Variants in ARFIP1 observed in about 807,000 individuals in gnomAD.
The protein encoded by ARFIP1 is ARF interacting protein 1, also known as arfaptin-1.
ARFIP1 carries 24 observed loss-of-function variants against 42.5 expected under a neutral mutation model. The observed-to-expected ratio is 0.57, with a 90% CI of 0.41 to 0.80. The LOEUF is 0.80. Among genes scored for constraint, ARFIP1 ranks in the 30% least tolerant of loss-of-function variants. The probability of loss-of-function intolerance (pLI) is 0.00; values close to 1 mark genes in which losing one functional copy is unlikely to be tolerated. For synonymous variants in ARFIP1, 141 were observed against 153.7 expected, an observed-to-expected ratio of 0.92 and a Z score of 0.61; for missense variants, 354 against 434.0, an observed-to-expected ratio of 0.82 and a Z score of 1.64.
At chr4:152,800,092 T>G (rs546502218) in intron 1 of ARFIP1, among the ~76,000 whole-genome samples, 44 of 152,280 alleles carry the variant, frequency 2.9e-4, no homozygotes, top group African/African-American at 9.6e-4. Flanking sequence ...AAAGAACAGG[T>G]ACGTGAGTAT....
chr4:152,810,608 A>C (rs1263686926), intron 1 of ARFIP1, among the ~76,000 whole-genome samples: 1 of 151,776 alleles, frequency 6.6e-6, no homozygotes, highest in Admixed American at 6.6e-5. Flanking sequence ...GGAGATCGAG[A>C]CCATCCTGGC....
At position 152,880,860 on chromosome 4, in the gene ARFIP1, C is replaced by T. The variant is rs896409428; in HGVS notation, c.412-103C>T. On this transcript the variant is annotated intron_variant, in intron 5 of 8. Coordinates refer to ENST00000353617, the MANE Select transcript of ARFIP1 (RefSeq NM_001025595.3). Reference sequence around the variant, plus strand: ...GGAGCTGACAATTTTCAGTTTGTTACGCTAGCTTGTTTGAATCCAAAAAAT... The same window carrying T: ...GGAGCTGACAATTTTCAGTTTGTTATGCTAGCTTGTTTGAATCCAAAAAAT... The T allele has an allele frequency of 4.6e-6, 4 of 863,242 alleles. No homozygotes were observed. In the African/African-American group the frequency reaches 5.1e-5, roughly 11 times the overall value. 53.5% of individuals were successfully genotyped at this position (863,242 alleles called of 1,614,324 possible). A position where few individuals can be genotyped will look rare whatever the true frequency, so the allele number is the denominator to read the frequency against.
At chr4:152,858,837 G>T (rs76280268) in intron 2 of ARFIP1, among the ~76,000 whole-genome samples, 2,414 of 152,226 alleles carry the variant, frequency 0.016, 61 homozygotes, top group African/African-American at 0.055. Flanking sequence ...AAGGTAAGGG[G>T]AATAGGGATT....
At chr4:152,846,836 T>G (rs1460320902) in intron 2 of ARFIP1, among the ~76,000 whole-genome samples, 2 of 152,148 alleles carry the variant, frequency 1.3e-5, no homozygotes, top group Non-Finnish European at 2.9e-5. Flanking sequence ...TTTAGTCTGT[T>G]ACATAAAATA....
At position 152,843,426 on chromosome 4, in the gene ARFIP1, C is replaced by T. The variant is rs1312275787; in HGVS notation, c.93+13700C>T. On this transcript the variant is annotated intron_variant, in intron 2 of 8. Coordinates refer to ENST00000353617, the MANE Select transcript of ARFIP1 (RefSeq NM_001025595.3). ...CCAGGAGATGGTGCTTTCCAGAAAG[C>T]ATCAGCTGTAGTAATGTGGAGAGGG... 3.3e-5 allele frequency among the ~76,000 whole-genome samples: 5 copies of T among 149,882 alleles called. No individual in the cohort carries two copies. The East Asian group carries it at 1.0e-3, about 30-fold the overall frequency.
intron 1 of ARFIP1, among the ~76,000 whole-genome samples, chr4:152,817,676 G>A (rs1281317195): frequency 6.6e-6 from 1 of 151,760 alleles, no homozygotes; most frequent in Non-Finnish European, 1.5e-5. Flanking sequence ...TATAGAATGG[G>A]AGAAAATATT....
intron 1 of ARFIP1, among the ~76,000 whole-genome samples, chr4:152,811,898 GT>G (rs10714473): frequency 0.73 from 110,925 of 152,056 alleles, 41,762 homozygotes; most frequent in East Asian, 0.81. Flanking sequence ...ATAATTAATG[GT>G]TAGTAAATGA....
At chr4:152,841,105 G>A (rs1317102773) in intron 2 of ARFIP1, among the ~76,000 whole-genome samples, 6 of 151,292 alleles carry the variant, frequency 4.0e-5, no homozygotes, top group Admixed American at 1.3e-4. Context: ...GCGTGATCTC[G>A]GCTCACTGCA....
rs912141314 is a variant in ARFIP1 at position 152,912,206 on chromosome 4, G to C, written c.*1987G>C. ...TCTGATAGTGGGCACATGACCAAAA[G>C]AAAAAAGTAAATCAATATATTTAGC... On this transcript the variant is annotated 3_prime_UTR_variant, in exon 9 of 9. Transcript: ENST00000353617. 1 of 151,902 alleles carries C rather than the reference G, an allele frequency of 6.6e-6. No homozygotes were observed. Among genetic ancestry groups the C allele is most frequent in the African/African-American group, 2.4e-5 (1 of 41,352 alleles). The allele number at this position is 151,902 out of a possible 1,614,324, so 9.4% of individuals were successfully genotyped here.
chr4:152,883,685 T>C (rs1736034474), intron 7 of ARFIP1, among the ~76,000 whole-genome samples: 1 of 151,028 alleles, frequency 6.6e-6, no homozygotes, highest in South Asian at 2.1e-4. Context: ...GTGAACAAAA[T>C]ATATATTAAT....
chr4:152,780,793 A>G (rs1387182622), intron 1 of ARFIP1, among the ~76,000 whole-genome samples: 2 of 152,186 alleles, frequency 1.3e-5, no homozygotes, highest in South Asian at 2.1e-4. Flanking sequence ...CTGTTTGCCA[A>G]GTTACTACTG....
At chr4:152,803,785 A>G (rs915559391) in intron 1 of ARFIP1, among the ~76,000 whole-genome samples, 27 of 151,738 alleles carry the variant, frequency 1.8e-4, no homozygotes, top group African/African-American at 6.5e-4. Context: ...CCCTAATGAT[A>G]TAAATGGAGG....
intron 5 of ARFIP1, among the ~76,000 whole-genome samples, chr4:152,874,761 C>T (rs567876413): frequency 6.6e-6 from 1 of 152,244 alleles, no homozygotes; most frequent in South Asian, 2.1e-4. Context: ...ACCACCTGGA[C>T]CCAAGTGATC....
At chr4:152,863,551 T>A (rs1239516924) in intron 2 of ARFIP1, 55 bp from the exon 3 acceptor site, 1 of 981,880 alleles carries the variant, frequency 1.0e-6, no homozygotes, top group Non-Finnish European at 1.6e-6. Context: ...TCTGAACTGT[T>A]ACGTCATGTG....
chr4:152,876,817 G>T (rs113764936), intron 5 of ARFIP1, among the ~76,000 whole-genome samples: 1 of 152,194 alleles, frequency 6.6e-6, no homozygotes, highest in Non-Finnish European at 1.5e-5. Context: ...TGTCCTAGCC[G>T]CTCCAGCCAT....
At chr4:152,877,066 G>A (rs912848449) in intron 5 of ARFIP1, among the ~76,000 whole-genome samples, 8 of 152,152 alleles carry the variant, frequency 5.3e-5, no homozygotes, top group Non-Finnish European at 1.0e-4. Context: ...GAAGGGAATC[G>A]TGCGATCAGA....
chr4:152,872,470 CA>C lies in ARFIP1; in HGVS notation c.322del (p.Ser108ValfsTer6). On this transcript the variant is annotated frameshift_variant, in exon 5 of 9. Coordinates refer to ENST00000353617, the MANE Select transcript of ARFIP1 (RefSeq NM_001025595.3). LOFTEE classifies it high-confidence loss of function. Reference protein sequence around the residue: ...IVPAGGQRTQTKSGPVILADE... With the variant: ...IVPAGGQRTQXKSGPVILADE... ...CTTGCAGGTGGCCAGAGAACACAGA[CA>C]AAAAGTGGACCAGTTATTCTAGCAG... The C allele has an allele frequency of 6.2e-7, 1 of 1,609,364 alleles. No individual in the cohort carries two copies. Among genetic ancestry groups the C allele is most frequent in the Non-Finnish European group, 8.5e-7 (1 of 1,177,792 alleles).
At chr4:152,857,800 T>A (rs991092832) in intron 2 of ARFIP1, among the ~76,000 whole-genome samples, 2 of 152,222 alleles carry the variant, frequency 1.3e-5, no homozygotes, top group African/African-American at 4.8e-5. Flanking sequence ...ATTTACTTGT[T>A]TATTACTTAA....
At chr4:152,909,416 C>G (rs1238226067) in intron 8 of ARFIP1, among the ~76,000 whole-genome samples, 1 of 152,036 alleles carries the variant, frequency 6.6e-6, no homozygotes, top group Non-Finnish European at 1.5e-5. Flanking sequence ...GAAAAACAAC[C>G]TCAGGAAACA....
Sources: allele counts gnomAD v4.1 joint callset (sites outside exome capture counted in the v4.1 genomes callset), GRCh38; gene constraint gnomAD v4.1.1; transcripts MANE v1.5; gene names NCBI Gene and HGNC (gene_info 2026-07-23, HGNC 2026-07-21).